Variants in TMC1 observed in about 807,000 individuals in gnomAD.
The protein encoded by TMC1 is transmembrane channel like 1, also known as transmembrane channel-like protein 1.
A neutral mutation model predicts 105.8 loss-of-function variants in TMC1; 84 were observed. The ratio of observed to expected loss-of-function variants is 0.79; its 90% CI spans 0.67 to 0.95. The LOEUF (loss-of-function observed/expected upper bound fraction) is 0.95. Ranked by LOEUF, TMC1 falls within the 40% of genes least tolerant of loss-of-function variation. The pLI is 0.00. For missense variants in TMC1, 817 were observed against 914.1 expected (o/e 0.89, Z 1.37); for synonymous variants, 315 against 311.5 (o/e 1.01, Z -0.12).
chr9:72,826,249 AGG>A, intron 20 of TMC1, among the ~76,000 whole-genome samples: 1 of 152,192 alleles, frequency 6.6e-6, no homozygotes, highest in Non-Finnish European at 1.5e-5. Flanking sequence ...TCTAGTTTAT[AGG>A]AGCTGATACT....
intron 13 of TMC1, among the ~76,000 whole-genome samples, chr9:72,778,518 T>C (rs1828040375): frequency 6.6e-6 from 1 of 152,094 alleles, no homozygotes; most frequent in Non-Finnish European, 1.5e-5. Context: ...TTTGAACTGA[T>C]AGGGGGAGCT....
intron 5 of TMC1, among the ~76,000 whole-genome samples, chr9:72,683,056 C>T (rs535407362): frequency 6.6e-6 from 1 of 152,306 alleles, no homozygotes; most frequent in Non-Finnish European, 1.5e-5. Context: ...GATCCAGTCA[C>T]CTCCCACCAG....
At chr9:72,669,109 C>A (rs2132167232) in intron 5 of TMC1, among the ~76,000 whole-genome samples, 1 of 152,238 alleles carries the variant, frequency 6.6e-6, no homozygotes, top group Admixed American at 6.5e-5. Flanking sequence ...AGTTCAAGAC[C>A]AGCCTGGCCA....
intron 10 of TMC1, among the ~76,000 whole-genome samples, chr9:72,748,608 C>CT (rs1174444134): frequency 6.6e-6 from 1 of 152,034 alleles, no homozygotes; most frequent in Non-Finnish European, 1.5e-5. Context: ...CATTTATGCT[C>CT]TTTTAGTCAC....
intron 2 of TMC1, among the ~76,000 whole-genome samples, chr9:72,605,316 C>G (rs1398923314): frequency 6.6e-6 from 1 of 152,304 alleles, no homozygotes; most frequent in Non-Finnish European, 1.5e-5. Context: ...GAAGCAGATT[C>G]ACTGGGTGGT....
At chr9:72,553,271 C>T (rs979685421) in intron 1 of TMC1, among the ~76,000 whole-genome samples, 1 of 152,118 alleles carries the variant, frequency 6.6e-6, no homozygotes, top group Non-Finnish European at 1.5e-5. Context: ...CCAAGCCTGG[C>T]TCCAATTCTG....
intron 13 of TMC1, among the ~76,000 whole-genome samples, chr9:72,784,593 A>G (rs1343157098): frequency 6.6e-6 from 1 of 152,218 alleles, no homozygotes; most frequent in Non-Finnish European, 1.5e-5. Flanking sequence ...TTACTGGGTA[A>G]ATATCAAAGG....
At chr9:72,618,705 T>G (rs1825188861) in intron 3 of TMC1, among the ~76,000 whole-genome samples, 1 of 152,190 alleles carries the variant, frequency 6.6e-6, no homozygotes, top group Non-Finnish European at 1.5e-5. Flanking sequence ...GTTAATGTAA[T>G]CATGTTTATG....
chr9:72,805,717 G>T (rs1292992407), intron 18 of TMC1, among the ~76,000 whole-genome samples: 5 of 151,510 alleles, frequency 3.3e-5, no homozygotes, highest in African/African-American at 1.2e-4. Context: ...GTGTCCCTGG[G>T]TACTTGAGAT....
chr9:72,830,464 T>C lies in TMC1; in HGVS notation c.2143T>C (p.Tyr715His), dbSNP rs1361623823. The change falls in exon 22 of 24, where the codon TAT (tyrosine) becomes CAT (histidine). Residue 715 changes from tyrosine (Y) to histidine (H), a missense_variant. Transcript: ENST00000297784. Reference sequence around the variant, plus strand: ...TTTTTAATTTAGTTTGGCCATCTATTATCTCAATGCTACTGCCAAGGGCCA... The same window carrying C: ...TTTTTAATTTAGTTTGGCCATCTATCATCTCAATGCTACTGCCAAGGGCCA... ...VILVMVLAIY[Y>H]LNATAKGQKA... is the part of the protein sequence containing the mutation. 4 of 1,612,920 alleles carry C rather than the reference T, an allele frequency of 2.5e-6. No homozygotes were observed. Among genetic ancestry groups the C allele is most frequent in the Non-Finnish European group, 3.4e-6 (4 of 1,179,130 alleles).
intron 1 of TMC1, among the ~76,000 whole-genome samples, chr9:72,545,845 C>T (rs1823757201): frequency 6.6e-6 from 1 of 152,010 alleles, no homozygotes; most frequent in Non-Finnish European, 1.5e-5. Context: ...TCCTATTGCG[C>T]AGTAATTTTC....
chr9:72,626,497 T>C (rs1351954094), intron 3 of TMC1, among the ~76,000 whole-genome samples: 1 of 152,126 alleles, frequency 6.6e-6, no homozygotes, highest in East Asian at 1.9e-4. Flanking sequence ...GCACCTTTAG[T>C]AACAACACTG....
intron 1 of TMC1, among the ~76,000 whole-genome samples, chr9:72,522,172 C>A (rs1184824369): frequency 1.6e-5 from 1 of 61,778 alleles, no homozygotes; most frequent in Non-Finnish European, 3.1e-5. Flanking sequence ...TTTTTTGAGA[C>A]GGAGTCTTGC....
chr9:72,772,318 A>T, intron 12 of TMC1, 95 bp from the exon 13 acceptor site: 1 of 1,548,080 alleles, frequency 6.5e-7, no homozygotes, highest in Non-Finnish European at 8.9e-7. Context: ...AAGTTTGAAA[A>T]TTAATGTCAT....
intron 12 of TMC1, among the ~76,000 whole-genome samples, chr9:72,762,624 T>A (rs377615805): frequency 6.6e-6 from 1 of 152,216 alleles, no homozygotes. Context: ...GTGGACAAAT[T>A]TAGAGTTATA....
At position 72,709,541 on chromosome 9, in the gene TMC1, C is replaced by T. The variant is rs921763129; in HGVS notation, c.362+8898C>T. On this transcript the variant is annotated intron_variant, in intron 8 of 23. Transcript: ENST00000297784. ...TTTCATTGCTTGTTATTGGTCTGTT[C>T]AGGGTTTCTAATTCTGATTCTAGCT... is the stretch of plus-strand genomic sequence containing the variant. Among the ~76,000 whole-genome samples the T allele has an allele frequency of 3.9e-5, 6 of 151,970 alleles. 1 individual carries two copies. The highest frequency in any genetic ancestry group is 6.6e-5 in the Admixed American group (1 of 15,242).
chr9:72,683,398 G>A (rs1020298467), intron 5 of TMC1, among the ~76,000 whole-genome samples: 10 of 151,714 alleles, frequency 6.6e-5, no homozygotes, highest in East Asian at 3.9e-4. Flanking sequence ...CCCATCATTC[G>A]TATTGCTATA....
chr9:72,800,495 T>G (rs1828451396), intron 17 of TMC1, among the ~76,000 whole-genome samples: 2 of 152,160 alleles, frequency 1.3e-5, no homozygotes, highest in Admixed American at 1.3e-4. Context: ...AATGGATTAA[T>G]TAGATAGGAA....
chr9:72,699,278 C>T (rs1444935560), intron 7 of TMC1, among the ~76,000 whole-genome samples: 1 of 152,188 alleles, frequency 6.6e-6, no homozygotes, highest in African/African-American at 2.4e-5. Context: ...ACATCTCATG[C>T]TCAGTAGGAA....
Sources: allele counts gnomAD v4.1 joint callset (sites outside exome capture counted in the v4.1 genomes callset), GRCh38; gene constraint gnomAD v4.1.1; transcripts MANE v1.5; gene names NCBI Gene and HGNC (gene_info 2026-07-23, HGNC 2026-07-21).